The following SERGEF variants were observed in gnomAD, a reference collection of about 807,000 sequenced individuals.
SERGEF encodes the protein secretion-regulating guanine nucleotide exchange factor.
A neutral mutation model predicts 50.0 loss-of-function variants in SERGEF; 51 were observed. The ratio of observed to expected loss-of-function variants is 1.02; its 90% CI spans 0.81 to 1.29. The LOEUF (loss-of-function observed/expected upper bound fraction) is 1.29, where lower values mean the gene tolerates loss of function less well. Ranked by LOEUF, SERGEF falls within the 50% of genes most tolerant of loss-of-function variation. The pLI is 0.00. For missense variants in SERGEF, 521 were observed against 557.0 expected (o/e 0.94, Z 0.65); for synonymous variants, 205 against 212.4 (o/e 0.97, Z 0.30).
chr11:17,979,739 T>C (rs1468388455), intron 8 of SERGEF, among the ~76,000 whole-genome samples: 1 of 152,122 alleles, frequency 6.6e-6, no homozygotes, highest in Admixed American at 6.5e-5. Flanking sequence ...AAAAAGCACA[T>C]TGTGTGACTT....
chr11:17,860,239 G>C (rs1040465187), intron 10 of SERGEF, among the ~76,000 whole-genome samples: 1 of 152,102 alleles, frequency 6.6e-6, no homozygotes, highest in Admixed American at 6.5e-5. Flanking sequence ...GTTAAAGGAA[G>C]GGGAAAATAA....
chr11:17,808,853 T>C (rs891213279), intron 10 of SERGEF, among the ~76,000 whole-genome samples: 1 of 152,242 alleles, frequency 6.6e-6, no homozygotes, highest in South Asian at 2.1e-4. Context: ...TATAGGGTCA[T>C]GACCATGTGG....
chr11:17,922,104 G>A lies in SERGEF; in HGVS notation c.1011+37366C>T, dbSNP rs543573060. On this transcript the variant is annotated intron_variant, in intron 9 of 10. Transcript: ENST00000265965. ...CTTGATGAAATCTAAGTTACCCAAT[G>A]GCAACGTCTGAACATGCTGAGTCAG... Among the ~76,000 whole-genome samples the A allele has an allele frequency of 1.3e-3, 191 of 152,256 alleles. 2 individuals carry two copies. Among genetic ancestry groups the A allele is most frequent in the Non-Finnish European group, 2.2e-3 (153 of 68,026 alleles).
chr11:17,917,658 G>C (rs1852074336), intron 9 of SERGEF, among the ~76,000 whole-genome samples: 1 of 152,174 alleles, frequency 6.6e-6, no homozygotes, highest in Non-Finnish European at 1.5e-5. Context: ...GTGAAGCCCA[G>C]AAATTCATTT....
At chr11:17,956,144 G>C (rs768039149) in intron 9 of SERGEF, among the ~76,000 whole-genome samples, 1 of 152,020 alleles carries the variant, frequency 6.6e-6, no homozygotes, top group Non-Finnish European at 1.5e-5. Flanking sequence ...ATTAAAGGAA[G>C]GCCTACAAGG....
At chr11:17,830,686 G>GAGAGAGCA (rs1850290446) in intron 10 of SERGEF, among the ~76,000 whole-genome samples, 1 of 84,920 alleles carries the variant, frequency 1.2e-5, no homozygotes, top group Admixed American at 1.9e-4. Flanking sequence ...GAGAGAGAGA[G>GAGAGAGCA]AGCACATGTA....
intron 10 of SERGEF, among the ~76,000 whole-genome samples, chr11:17,850,579 G>C (rs767332736): frequency 2.0e-5 from 3 of 152,198 alleles, no homozygotes. Flanking sequence ...TCACTAGACA[G>C]CTCCTTCTAG....
intron 10 of SERGEF, among the ~76,000 whole-genome samples, chr11:17,841,097 A>G (rs965459386): frequency 2.6e-5 from 4 of 152,172 alleles, no homozygotes; most frequent in Admixed American, 6.5e-5. Flanking sequence ...TAGAACCACA[A>G]GGGTGGGAAG....
At chr11:17,824,143 T>G (rs1850138034) in intron 10 of SERGEF, among the ~76,000 whole-genome samples, 1 of 152,002 alleles carries the variant, frequency 6.6e-6, no homozygotes, top group Non-Finnish European at 1.5e-5. Flanking sequence ...CTACTAAAAA[T>G]ACAAAAAATT....
chr11:17,915,506 C>T (rs984180819), intron 9 of SERGEF, among the ~76,000 whole-genome samples: 2 of 152,182 alleles, frequency 1.3e-5, no homozygotes, highest in African/African-American at 4.8e-5. Context: ...AGTGCTCATT[C>T]CATCAAACTG....
intron 8 of SERGEF, among the ~76,000 whole-genome samples, chr11:17,978,271 T>C (rs1424838543): frequency 1.3e-5 from 2 of 151,800 alleles, no homozygotes; most frequent in Non-Finnish European, 2.9e-5. Flanking sequence ...CTGATCCCCT[T>C]GGAAATTAAA....
intron 8 of SERGEF, among the ~76,000 whole-genome samples, chr11:17,969,576 C>T (rs891009004): frequency 6.6e-6 from 1 of 152,046 alleles, no homozygotes; most frequent in African/African-American, 2.4e-5. Context: ...AGTCTAATCC[C>T]TTGATTTTAA....
intron 8 of SERGEF, among the ~76,000 whole-genome samples, chr11:17,973,837 T>C (rs1388008906): frequency 2.6e-5 from 4 of 152,288 alleles, no homozygotes; most frequent in African/African-American, 7.2e-5. Flanking sequence ...ACCACTCCAC[T>C]GTCAGTGGTT....
At chr11:17,809,743 G>A (rs1849833413) in intron 10 of SERGEF, among the ~76,000 whole-genome samples, 1 of 151,790 alleles carries the variant, frequency 6.6e-6, no homozygotes, top group Non-Finnish European at 1.5e-5. Context: ...GTACAGAGGG[G>A]TGAGAGGAGT....
intron 10 of SERGEF, among the ~76,000 whole-genome samples, chr11:17,874,878 T>C (rs1042419346): frequency 6.6e-6 from 1 of 151,598 alleles, no homozygotes; most frequent in African/African-American, 2.4e-5. Flanking sequence ...CTCCTGAGAT[T>C]CCTACCCTGG....
intron 9 of SERGEF, among the ~76,000 whole-genome samples, chr11:17,934,229 T>C (rs1852407454): frequency 6.6e-6 from 1 of 152,192 alleles, no homozygotes; most frequent in Non-Finnish European, 1.5e-5. Flanking sequence ...TTAACTGCTA[T>C]ATTAATAAAA....
intron 9 of SERGEF, among the ~76,000 whole-genome samples, chr11:17,912,475 T>G (rs889803681): frequency 1.3e-5 from 2 of 152,308 alleles, no homozygotes; most frequent in Non-Finnish European, 2.9e-5. Flanking sequence ...GGAAGCTGGG[T>G]GAAGCGTATA....
chr11:17,794,696 G>A (rs567626122), intron 10 of SERGEF, among the ~76,000 whole-genome samples: 1 of 152,338 alleles, frequency 6.6e-6, no homozygotes, highest in African/African-American at 2.4e-5. Flanking sequence ...CCATTTTGCA[G>A]AGAGATGACG....
intron 9 of SERGEF, among the ~76,000 whole-genome samples, chr11:17,947,132 G>A (rs1025531806): frequency 2.5e-4 from 38 of 152,160 alleles, no homozygotes; most frequent in African/African-American, 6.5e-4. Context: ...TAAGATTTCC[G>A]TTCAATTCAA....
Sources: gnomAD v4.1 joint callset for allele counts (sites outside exome capture counted in the v4.1 genomes callset) on GRCh38, gnomAD v4.1.1 for gene constraint, MANE v1.5 for transcripts, NCBI Gene and HGNC (gene_info 2026-07-23, HGNC 2026-07-21) for gene names.